PCDH7: variants seen among roughly 807,000 people sequenced by gnomAD.
PCDH7 encodes protocadherin 7.
Under a neutral mutation model 58.9 loss-of-function variants are expected in PCDH7, and 17 were observed. That is an observed-to-expected ratio of 0.29 (90% CI 0.20 to 0.43). PCDH7 has a LOEUF of 0.43. Ranked by LOEUF, PCDH7 falls within the 20% of genes least tolerant of loss-of-function variation. The pLI is 1.00. For missense variants in PCDH7, 1,274 were observed against 1,441.0 expected (o/e 0.88, Z 1.88); for synonymous variants, 664 against 616.4 (o/e 1.08, Z -1.14).
At chr4:31,051,261 C>G (rs1328074693) in intron 3 of PCDH7, among the ~76,000 whole-genome samples, 2 of 152,084 alleles carry the variant, frequency 1.3e-5, no homozygotes, top group African/African-American at 4.8e-5. Flanking sequence ...ACTGTTTCTC[C>G]AACTGAACTG....
chr4:31,006,588 T>C (rs970070776), intron 3 of PCDH7, among the ~76,000 whole-genome samples: 7 of 152,116 alleles, frequency 4.6e-5, no homozygotes, highest in Admixed American at 1.3e-4. Context: ...GTTTAACTCA[T>C]GCTTCATAAG....
intron 3 of PCDH7, among the ~76,000 whole-genome samples, chr4:30,992,932 G>T (rs556282802): frequency 2.6e-5 from 4 of 151,610 alleles, no homozygotes; most frequent in African/African-American, 9.7e-5. Flanking sequence ...CTGAGTAGCT[G>T]GGATTACAGG....
chr4:31,140,986 A>T (rs1720182413), intron 3 of PCDH7, among the ~76,000 whole-genome samples: 1 of 152,202 alleles, frequency 6.6e-6, no homozygotes, highest in South Asian at 2.1e-4. Flanking sequence ...GGGCATAAAA[A>T]TCCCAGGACG....
intron 2 of PCDH7, 26 bp downstream of exon 2, chr4:30,920,395 A>G (rs544814835): frequency 3.0e-6 from 4 of 1,352,858 alleles, no homozygotes; most frequent in Non-Finnish European, 4.0e-6. Context: ...ACATCCACAC[A>G]CATAATCACG....
At chr4:31,091,120 A>G (rs993148045) in intron 3 of PCDH7, among the ~76,000 whole-genome samples, 1 of 151,986 alleles carries the variant, frequency 6.6e-6, no homozygotes, top group Admixed American at 6.6e-5. Context: ...TCTTTATTAT[A>G]TCCTGTCACC....
chr4:30,979,356 A>T (rs2109107882), intron 3 of PCDH7, among the ~76,000 whole-genome samples: 1 of 151,898 alleles, frequency 6.6e-6, no homozygotes, highest in African/African-American at 2.4e-5. Context: ...AAAGAAAAAA[A>T]AATTTGGTAC....
intron 3 of PCDH7, among the ~76,000 whole-genome samples, chr4:30,980,144 A>AAGAT (rs1278603842): frequency 1.3e-5 from 2 of 152,182 alleles, no homozygotes; most frequent in African/African-American, 4.8e-5. Flanking sequence ...TTCTTGCTTT[A>AAGAT]AGATAGAGTG....
At chr4:30,930,327 A>G (rs573499473) in intron 2 of PCDH7, among the ~76,000 whole-genome samples, 2 of 152,324 alleles carry the variant, frequency 1.3e-5, no homozygotes, top group African/African-American at 4.8e-5. Flanking sequence ...ACCTTGGAAA[A>G]GTGGAAAGAG....
intron 2 of PCDH7, among the ~76,000 whole-genome samples, chr4:30,931,622 T>G (rs984419191): frequency 6.6e-6 from 1 of 151,564 alleles, no homozygotes; most frequent in East Asian, 1.9e-4. Flanking sequence ...AAGGGCCCAA[T>G]GTTGCTGATA....
At position 30,920,293 on chromosome 4, in the gene PCDH7, G is replaced by A. The variant is rs544189364; in HGVS notation, c.213G>A (p.Ala71=). 3.4e-5 allele frequency: 46 copies of A among 1,367,496 alleles called. No individual in the cohort carries two copies. The East Asian group carries it at 1.7e-3, about 50-fold the overall frequency. The allele number at this position is 1,367,496 out of a possible 1,614,324, so 84.7% of individuals were successfully genotyped here. A position where few individuals can be genotyped will look rare whatever the true frequency, so the allele number is the denominator to read the frequency against. ...GTTCATCAGGGCCAAGACTGGGTGCGCTTCCACTCCCAGAGGACAACTATG... is the reference window on the plus strand; with the variant it reads ...GTTCATCAGGGCCAAGACTGGGTGCACTTCCACTCCCAGAGGACAACTATG... The change falls in exon 2 of 4, where the codon GCG becomes GCA. Residue 71 remains alanine (A), a synonymous_variant. Coordinates refer to the PCDH7 transcript ENST00000509759.
intron 3 of PCDH7, among the ~76,000 whole-genome samples, chr4:31,075,588 G>A (rs1192597344): frequency 6.6e-6 from 1 of 152,150 alleles, no homozygotes. Flanking sequence ...AGAAACAAAG[G>A]TGTGGATTAT....
At chr4:30,838,007 C>T (rs1038734681) in intron 1 of PCDH7, among the ~76,000 whole-genome samples, 1 of 151,210 alleles carries the variant, frequency 6.6e-6, no homozygotes, top group Non-Finnish European at 1.5e-5. Context: ...ATGTTAAGTT[C>T]CAAAATATTG....
At chr4:31,137,096 C>T (rs1490367878) in intron 3 of PCDH7, among the ~76,000 whole-genome samples, 1 of 152,058 alleles carries the variant, frequency 6.6e-6, no homozygotes, top group Non-Finnish European at 1.5e-5. Flanking sequence ...TTCTTGTTTA[C>T]CCTTTTGTAA....
chr4:30,932,110 A>G (rs1044240085), intron 2 of PCDH7, among the ~76,000 whole-genome samples: 5 of 152,178 alleles, frequency 3.3e-5, no homozygotes, highest in Admixed American at 1.3e-4. Flanking sequence ...AAGATTCTTG[A>G]CATTGTAACA....
intron 3 of PCDH7, among the ~76,000 whole-genome samples, chr4:31,026,812 G>A (rs1385339410): frequency 6.6e-6 from 1 of 152,142 alleles, no homozygotes; most frequent in Non-Finnish European, 1.5e-5. Flanking sequence ...CAAGTTTTAA[G>A]AGCATGGCCT....
chr4:31,001,860 C>G (rs1752386673), intron 3 of PCDH7, among the ~76,000 whole-genome samples: 1 of 152,094 alleles, frequency 6.6e-6, no homozygotes, highest in Non-Finnish European at 1.5e-5. Flanking sequence ...CTTCTATGTT[C>G]AACACTGTAA....
At chr4:30,893,974 T>C (rs192553575) in intron 1 of PCDH7, among the ~76,000 whole-genome samples, 162 of 152,280 alleles carry the variant, frequency 1.1e-3, no homozygotes, top group African/African-American at 3.7e-3. Context: ...AAGCCATTCA[T>C]ACTTCTCTAG....
chr4:30,746,360 A>G (rs1315187998), intron 1 of PCDH7, among the ~76,000 whole-genome samples: 1 of 151,956 alleles, frequency 6.6e-6, no homozygotes, highest in African/African-American at 2.4e-5. Context: ...TGCAAGAACC[A>G]GATTGATTTT....
chr4:30,899,024 G>GA (rs1016807227), intron 1 of PCDH7, among the ~76,000 whole-genome samples: 6 of 150,574 alleles, frequency 4.0e-5, no homozygotes, highest in Non-Finnish European at 8.9e-5. Context: ...ATGGAATATG[G>GA]AAAAAAAAAG....
Sources: gnomAD v4.1 joint callset for allele counts (sites outside exome capture counted in the v4.1 genomes callset) on GRCh38, gnomAD v4.1.1 for gene constraint, MANE v1.5 for transcripts, NCBI Gene and HGNC (gene_info 2026-07-23, HGNC 2026-07-21) for gene names.